The following FANCB variants were observed in gnomAD, a reference collection of about 807,000 sequenced individuals.
FANCB encodes the protein Fanconi anemia group B protein.
A neutral mutation model predicts 38.9 loss-of-function variants in FANCB; 5 were observed. The observed-to-expected ratio is 0.13, with a 90% CI of 0.07 to 0.27. The LOEUF (loss-of-function observed/expected upper bound fraction) is 0.27, where lower values mean the gene tolerates loss of function less well. Among genes scored for constraint, FANCB ranks in the 10% least tolerant of loss-of-function variants. FANCB has a pLI of 1.00. For missense variants in FANCB, 573 were observed against 602.7 expected, an observed-to-expected ratio of 0.95 and a Z score of 0.52; for synonymous variants, 236 against 215.4, an observed-to-expected ratio of 1.10 and a Z score of -0.84.
chrX:14,823,079 C>CTTTTTTTTTTTTTTT, the FANCB span, among the ~76,000 whole-genome samples: 2 of 71,120 alleles, frequency 2.8e-5, no homozygotes, highest in African/African-American at 5.8e-5. Flanking sequence ...TACCCTTTTA[C>CTTTTTTTTTTTTTTT]TTTTTTTTTT....
chrX:14,828,909 A>G, the FANCB span, among the ~76,000 whole-genome samples: 1 of 111,049 alleles, frequency 9.0e-6, no homozygotes, highest in Non-Finnish European at 1.9e-5. Context: ...GGGTCTCCCT[A>G]TGTTGCCCAG....
chrX:14,779,974 T>C, the FANCB span, among the ~76,000 whole-genome samples: 9 of 111,268 alleles, frequency 8.1e-5, no homozygotes, highest in Middle Eastern at 4.7e-3. Flanking sequence ...ATGGGGAACC[T>C]GAAAGTACAG....
chrX:14,812,247 T>C, the FANCB span, among the ~76,000 whole-genome samples: 1 of 110,165 alleles, frequency 9.1e-6, no homozygotes, highest in Non-Finnish European at 1.9e-5. Flanking sequence ...ACATCAAAAG[T>C]AAAAGAACTA....
chrX:14,872,025 C>A (rs1901960962), intron 1 of FANCB, among the ~76,000 whole-genome samples: 1 of 111,115 alleles, frequency 9.0e-6, no homozygotes, highest in African/African-American at 3.3e-5. Context: ...CAAACCCAGG[C>A]AGTATGATCC....
the FANCB span, among the ~76,000 whole-genome samples, chrX:14,776,618 G>A: frequency 8.9e-6 from 1 of 112,388 alleles, no homozygotes; most frequent in African/African-American, 3.2e-5. Context: ...ACCTCTCCAA[G>A]AGCAACAGCA....
Position 14,843,448 on chromosome X carries a change from G to C in FANCB, c.*119C>G. On this transcript the variant is annotated 3_prime_UTR_variant, in exon 10 of 10. Coordinates refer to ENST00000650831, the MANE Select transcript of FANCB (RefSeq NM_001018113.3). Reference sequence around the variant, plus strand: ...TATTTTGTGCATCATCAAAACTAAAGTTTCTACTACAGTAAGCCTCGGTGT... The same window carrying C: ...TATTTTGTGCATCATCAAAACTAAACTTTCTACTACAGTAAGCCTCGGTGT... The C allele has an allele frequency of 2.0e-6, 1 of 496,144 alleles. No individual in the cohort carries two copies. The highest frequency in any genetic ancestry group is 3.3e-6 in the Non-Finnish European group (1 of 305,725). 40.9% of individuals were successfully genotyped at this position (496,144 alleles called of 1,213,427 possible).
At chrX:14,771,070 T>C in the FANCB span, among the ~76,000 whole-genome samples, 2 of 111,488 alleles carry the variant, frequency 1.8e-5, no homozygotes, top group Non-Finnish European at 3.8e-5. Flanking sequence ...TTAACATTTT[T>C]TCTTTCATTT....
chrX:14,748,417 A>G, the FANCB span, among the ~76,000 whole-genome samples: 3 of 112,342 alleles, frequency 2.7e-5, no homozygotes, highest in Non-Finnish European at 5.6e-5. Flanking sequence ...GACCCAGCTA[A>G]GCCATGCACA....
At chrX:14,709,665 C>A in the FANCB span, among the ~76,000 whole-genome samples, 1 of 112,059 alleles carries the variant, frequency 8.9e-6, no homozygotes, top group Non-Finnish European at 1.9e-5. Flanking sequence ...AAAGCTAAAT[C>A]AATCATAAGC....
the FANCB span, among the ~76,000 whole-genome samples, chrX:14,756,033 C>A: frequency 8.9e-6 from 1 of 111,783 alleles, no homozygotes; most frequent in Non-Finnish European, 1.9e-5. Context: ...ATACTTACAG[C>A]CAACTGATTT....
chrX:14,863,910 G>A (rs1047309514), intron 3 of FANCB, among the ~76,000 whole-genome samples: 14 of 111,907 alleles, frequency 1.3e-4, no homozygotes, highest in African/African-American at 2.0e-4. Flanking sequence ...CGAGGCAGGC[G>A]GACCACTTGA....
rs186168143 is a variant in FANCB, at chrX:14,864,782, A to G, written c.729T>C (p.Cys243=). ...YSSVVTYVHI[C]ATEIIKNQLR... is the part of the protein sequence containing the mutation. ...ACTGGTTTTTGATGATCTCAGTTGC[A>G]CAAATATGTACATAAGTCACCACAC... Residue 243 remains cysteine (C), a synonymous_variant, in exon 3 of 10, where the codon TGT becomes TGC. Transcript: ENST00000650831. The G allele has an allele frequency of 6.6e-6, 8 of 1,206,376 alleles. No homozygotes were observed.
chrX:14,861,033 C>T, intron 3 of FANCB, among the ~76,000 whole-genome samples: 1 of 111,225 alleles, frequency 9.0e-6, no homozygotes, highest in East Asian at 2.8e-4. Flanking sequence ...CAGGCATATG[C>T]CACCACGCCC....
At chrX:14,754,794 C>T in the FANCB span, among the ~76,000 whole-genome samples, 1 of 109,326 alleles carries the variant, frequency 9.1e-6, no homozygotes, top group East Asian at 2.9e-4. Context: ...TATTTTCAAA[C>T]GACGCAAAAA....
At chrX:14,726,350 T>G in the FANCB span, among the ~76,000 whole-genome samples, 2 of 112,290 alleles carry the variant, frequency 1.8e-5, no homozygotes, top group Admixed American at 1.9e-4. Flanking sequence ...GTTCTATATT[T>G]AAAAGGCATT....
the FANCB span, among the ~76,000 whole-genome samples, chrX:14,736,786 T>C: frequency 2.7e-5 from 3 of 112,128 alleles, no homozygotes; most frequent in Non-Finnish European, 5.6e-5. Context: ...TATTATATTA[T>C]TGATGCATTA....
the FANCB span, among the ~76,000 whole-genome samples, chrX:14,775,158 A>ATTTTTTTTT: frequency 3.5e-5 from 1 of 28,475 alleles, no homozygotes; most frequent in African/African-American, 1.1e-4. Context: ...TATTTCTCTA[A>ATTTTTTTTT]TGTTTTTTTT....
the FANCB span, among the ~76,000 whole-genome samples, chrX:14,741,137 G>A: frequency 4.5e-5 from 5 of 111,222 alleles, no homozygotes; most frequent in South Asian, 7.5e-4. Context: ...CATTTATTAG[G>A]GAGTTAATTG....
chrX:14,845,861 T>C (rs2092374684), intron 7 of FANCB, among the ~76,000 whole-genome samples: 1 of 111,798 alleles, frequency 8.9e-6, no homozygotes, highest in Admixed American at 9.5e-5. Context: ...AATTTACAAA[T>C]ATATACAGGC....
Sources: allele counts gnomAD v4.1 joint callset (sites outside exome capture counted in the v4.1 genomes callset), GRCh38; gene constraint gnomAD v4.1.1; transcripts MANE v1.5; gene names NCBI Gene and HGNC (gene_info 2026-07-23, HGNC 2026-07-21).